Variants in PDE10A observed in about 807,000 individuals in gnomAD.
PDE10A encodes the protein cAMP and cAMP-inhibited cGMP 3',5'-cyclic phosphodiesterase 10A.
In PDE10A, 39 loss-of-function variants were observed where a neutral mutation model predicts 97.7. That is an observed-to-expected ratio of 0.40 (90% CI 0.31 to 0.52). PDE10A has a LOEUF of 0.52. Ranked by LOEUF, PDE10A falls within the 20% of genes least tolerant of loss-of-function variation. PDE10A has a pLI of 0.56. For synonymous variants in PDE10A, 371 were observed against 376.8 expected (o/e 0.98, Z 0.18); for missense variants, 731 against 1,047.8 (o/e 0.70, Z 4.17).
rs185223550 is a variant in PDE10A at position 165,394,593 on chromosome 6, T to C, written c.2303+588A>G. ...TTTGGGTATATACCTAGTAATGGGA[T>C]TGCTAGGTCAAATGGTATTTCTAGT... On this transcript the variant is annotated intron_variant, in intron 15 of 21. Transcript: ENST00000539869. Among the ~76,000 whole-genome samples the C allele has an allele frequency of 4.5e-4, 69 of 152,312 alleles. No individual in the cohort carries two copies. In the East Asian group the frequency reaches 0.013, roughly 29 times the overall value.
chr6:165,931,471 T>G (rs1232769681), intron 1 of PDE10A, among the ~76,000 whole-genome samples: 1 of 152,234 alleles, frequency 6.6e-6, no homozygotes, highest in African/African-American at 2.4e-5. Context: ...ATACTCACAC[T>G]TCATTCCACA....
chr6:165,548,078 A>G (rs904984966), intron 1 of PDE10A, among the ~76,000 whole-genome samples: 2 of 152,054 alleles, frequency 1.3e-5, no homozygotes, highest in Non-Finnish European at 2.9e-5. Flanking sequence ...CACAATTCAT[A>G]GCCAATATTT....
At chr6:165,743,407 A>G (rs115183299) in intron 1 of PDE10A, among the ~76,000 whole-genome samples, 1,940 of 152,268 alleles carry the variant, frequency 0.013, 39 homozygotes, top group African/African-American at 0.039. Flanking sequence ...CTTTATTTGG[A>G]CGTCACTGTT....
chr6:165,356,775 T>TATA (rs1278075739), intron 18 of PDE10A, among the ~76,000 whole-genome samples: 8 of 152,236 alleles, frequency 5.3e-5, no homozygotes, highest in Admixed American at 2.6e-4. Flanking sequence ...ACATAGCCTG[T>TATA]AAACTTGCTT....
chr6:165,468,268 T>TG (rs1562495330), intron 3 of PDE10A, among the ~76,000 whole-genome samples: 1 of 151,530 alleles, frequency 6.6e-6, no homozygotes, highest in Non-Finnish European at 1.5e-5. Flanking sequence ...TTTTTTTTTT[T>TG]TAGTAGAGAT....
chr6:165,382,334 C>T (rs1046833072), intron 17 of PDE10A, among the ~76,000 whole-genome samples: 2 of 152,070 alleles, frequency 1.3e-5, no homozygotes, highest in Admixed American at 6.5e-5. Context: ...AGGGAACCAC[C>T]GCTTTTGGAA....
intron 1 of PDE10A, among the ~76,000 whole-genome samples, chr6:165,552,893 G>A (rs1784084762): frequency 6.6e-6 from 1 of 152,126 alleles, no homozygotes; most frequent in South Asian, 2.1e-4. Flanking sequence ...CTAATAGGGA[G>A]TGCTATAGGT....
chr6:165,720,352 C>T lies in PDE10A; in HGVS notation c.-614-176784G>A, dbSNP rs142770489. 3.9e-3 allele frequency among the ~76,000 whole-genome samples: 591 copies of T among 152,184 alleles called. 3 individuals are homozygous for T. The highest frequency in any genetic ancestry group is 0.013 in the African/African-American group (556 of 41,516). The stretch of plus-strand genomic sequence containing the variant: ...AGTCACTGATAGTTTATAAAAGCCC[C>T]GATGTACAAATTAGGGAAAGGCAGA... On this transcript the variant is annotated intron_variant, in intron 1 of 19. Coordinates refer to the PDE10A transcript ENST00000366882.
At chr6:165,428,860 A>G (rs1432060616) in intron 9 of PDE10A, 151 bp from the exon 10 acceptor site, 2 of 502,062 alleles carry the variant, frequency 4.0e-6, no homozygotes, top group Non-Finnish European at 7.0e-6. Flanking sequence ...AAAAAAAAAA[A>G]TCAGTACTGT....
At chr6:165,560,281 C>A (rs891341529) in intron 1 of PDE10A, among the ~76,000 whole-genome samples, 6 of 152,146 alleles carry the variant, frequency 3.9e-5, no homozygotes, top group African/African-American at 1.2e-4. Flanking sequence ...AGAAATGTAA[C>A]CAACACCTAG....
chr6:165,965,790 A>G (rs1173968452), intron 1 of PDE10A, among the ~76,000 whole-genome samples: 1 of 152,220 alleles, frequency 6.6e-6, no homozygotes, highest in African/African-American at 2.4e-5. Context: ...TCCACAAGGT[A>G]ATATGTAGCT....
chr6:165,406,228 A>ATATG (rs140845501), intron 13 of PDE10A, among the ~76,000 whole-genome samples: 9 of 140,424 alleles, frequency 6.4e-5, no homozygotes, highest in African/African-American at 2.4e-4. Context: ...AGGGAAAAGG[A>ATATG]TGTGTGTGTG....
At chr6:165,374,217 A>G (rs1015162005) in intron 18 of PDE10A, among the ~76,000 whole-genome samples, 6 of 151,630 alleles carry the variant, frequency 4.0e-5, no homozygotes, top group Non-Finnish European at 8.8e-5. Flanking sequence ...GTACCCTAAA[A>G]CTTGAAGTAT....
intron 1 of PDE10A, among the ~76,000 whole-genome samples, chr6:165,751,885 A>C (rs1793009452): frequency 6.6e-6 from 1 of 151,960 alleles, no homozygotes. Flanking sequence ...CATGCCTGTA[A>C]TCCCAGCACT....
chr6:165,445,234 T>G (rs539325332), intron 5 of PDE10A, among the ~76,000 whole-genome samples: 3 of 152,346 alleles, frequency 2.0e-5, no homozygotes, highest in African/African-American at 7.2e-5. Flanking sequence ...TGGCTGACAC[T>G]TTTGAAAAAA....
chr6:165,932,697 A>G (rs945118836), intron 1 of PDE10A, among the ~76,000 whole-genome samples: 2 of 151,938 alleles, frequency 1.3e-5, no homozygotes, highest in African/African-American at 2.4e-5. Flanking sequence ...GTCTCAAACT[A>G]CTGACCTCAG....
In PDE10A at chr6:165,837,659, GTTTT is replaced by G. The variant is rs386409265; in HGVS notation, c.-615+149866_-615+149869del. On this transcript the variant is annotated intron_variant, in intron 1 of 19. Coordinates refer to the PDE10A transcript ENST00000366882. ...AATCTGCTGATTTATATCTCTCCTG[GTTTT>G]TTTTTTTTTTTTTTTTTTTTTTGGG... Among the ~76,000 whole-genome samples, 241 of 83,484 alleles carry G rather than the reference GTTTT, an allele frequency of 2.9e-3. 1 individual carries two copies. The highest frequency in any genetic ancestry group is 5.5e-3 in the South Asian group (10 of 1,812). 54.8% of individuals were successfully genotyped at this position (83,484 alleles called of 152,430 possible). A position where few individuals can be genotyped will look rare whatever the true frequency, so the allele number is the denominator to read the frequency against.
At chr6:165,429,002 A>G (rs2128236659) in intron 9 of PDE10A, among the ~76,000 whole-genome samples, 1 of 152,214 alleles carries the variant, frequency 6.6e-6, no homozygotes, top group Middle Eastern at 3.4e-3. Flanking sequence ...GTTGCATTTA[A>G]CAAAGTATGC....
rs1235725368 is a variant in PDE10A at position 165,388,575 on chromosome 6, G to C, written c.2455-122C>G. 2.3e-5 allele frequency: 19 copies of C among 837,992 alleles called. No individual in the cohort carries two copies. The highest frequency in any genetic ancestry group is 3.7e-5 in the Non-Finnish European group (19 of 515,118). The allele number at this position is 837,992 out of a possible 1,614,324, so 51.9% of individuals were successfully genotyped here. A position where few individuals can be genotyped will look rare whatever the true frequency, so the allele number is the denominator to read the frequency against. On this transcript the variant is annotated intron_variant, in intron 16 of 21. Transcript: ENST00000539869. This position sits in a 1 kb window ranked among gnomAD's most constrained non-coding sequence, Gnocchi z 4.0. ...AATATAGCACAAATACAGCATTCTGGCATAAAGAATCCTATACAAATAGAG... is the reference window on the plus strand; with the variant it reads ...AATATAGCACAAATACAGCATTCTGCCATAAAGAATCCTATACAAATAGAG...
Sources: allele counts gnomAD v4.1 joint callset (sites outside exome capture counted in the v4.1 genomes callset), GRCh38; gene constraint gnomAD v4.1.1; non-coding constraint Gnocchi (gnomAD v3.1); transcripts MANE v1.5; gene names NCBI Gene and HGNC (gene_info 2026-07-23, HGNC 2026-07-21).